CREB3L2: variants seen among roughly 807,000 people sequenced by gnomAD.
CREB3L2 encodes the protein cAMP responsive element binding protein 3 like 2, also known as cyclic AMP-responsive element-binding protein 3-like protein 2.
A neutral mutation model predicts 57.2 loss-of-function variants in CREB3L2; 23 were observed. The observed-to-expected ratio is 0.40, with a 90% CI of 0.29 to 0.57. The LOEUF (loss-of-function observed/expected upper bound fraction) is 0.57. CREB3L2 is among the 20% of genes least tolerant of loss of function. The pLI, the probability that CREB3L2 is intolerant of heterozygous loss-of-function variation, is 0.42. For missense variants in CREB3L2, 628 were observed against 634.7 expected, an observed-to-expected ratio of 0.99 and a Z score of 0.11; for synonymous variants, 268 against 265.1, an observed-to-expected ratio of 1.01 and a Z score of -0.11.
In CREB3L2 at chr7:137,915,896, T is replaced by C. The variant is rs774907274; in HGVS notation, c.436A>G (p.Ile146Val). 6.2e-6 allele frequency: 10 copies of C among 1,614,104 alleles called. No homozygotes were observed. The highest frequency in any genetic ancestry group is 2.7e-5 in the African/African-American group (2 of 74,936). The change falls in exon 3 of 12, where the codon ATC becomes GTC. Residue 146 changes from isoleucine (I) to valine (V), a missense_variant. This residue lies in a region of CREB3L2 where 339 missense variants were observed against 355.4 expected (regional missense o/e 0.95). Transcript: ENST00000330387. The part of the protein sequence containing the change: ...PGLVPSVTLT[I>V]TAISTPLEKE... ...TCCAACGGGGTGGAGATGGCTGTGA[T>C]GGTCAGAGTGACAGACGGAACGAGT... is the stretch of plus-strand genomic sequence containing the variant.
At position 137,955,366 on chromosome 7, in the gene CREB3L2, G is replaced by C. The variant is rs747148596; in HGVS notation, c.103-27000C>G. On this transcript the variant is annotated intron_variant, in intron 1 of 11. Transcript: ENST00000330387. ...GCACCACAGGATGGGGGAGGGCGAA[G>C]ATGGCAGTCTTATGATTAGTTCTTC... The C allele has an allele frequency of 4.9e-6, 6 of 1,227,122 alleles. No homozygotes were observed. The Admixed American group carries it at 1.4e-4, about 28-fold the overall frequency. The allele number at this position is 1,227,122 out of a possible 1,614,324, so 76.0% of individuals were successfully genotyped here. A position where few individuals can be genotyped will look rare whatever the true frequency, so the allele number is the denominator to read the frequency against.
Position 137,922,370 on chromosome 7 carries a change from CTATATATATATATGTATATATATATATA to C in CREB3L2, c.319+5752_319+5779del, listed in dbSNP as rs1164283041. Reference sequence around the variant, plus strand: ...CCTGTATCAGATACTTTCTGGTTTACTATATATATATATGTATATATATATATATATATATATATATATATGTATATAT... The same window carrying C: ...CCTGTATCAGATACTTTCTGGTTTACTATATATATATATATATGTATATAT... On this transcript the variant is annotated intron_variant, in intron 2 of 11. Coordinates refer to ENST00000330387, the MANE Select transcript of CREB3L2 (RefSeq NM_194071.4). 1.1e-3 allele frequency among the ~76,000 whole-genome samples: 112 copies of C among 100,740 alleles called. 3 individuals are homozygous for C. The highest frequency in any genetic ancestry group is 4.1e-3 in the African/African-American group (92 of 22,446). 66.1% of individuals were successfully genotyped at this position (100,740 alleles called of 152,430 possible).
chr7:137,945,527 A>G (rs1800957070), intron 1 of CREB3L2, among the ~76,000 whole-genome samples: 1 of 152,232 alleles, frequency 6.6e-6, no homozygotes, highest in African/African-American at 2.4e-5. Flanking sequence ...CATGTTAACA[A>G]ATAAACAAAC....
intron 1 of CREB3L2, among the ~76,000 whole-genome samples, chr7:137,929,283 A>G (rs73729526): frequency 0.027 from 4,182 of 152,174 alleles, 153 homozygotes; most frequent in African/African-American, 0.082. Flanking sequence ...TCCCTCCTTG[A>G]TAGGTCTATA....
chr7:137,942,359 C>T (rs1188327212), intron 1 of CREB3L2, among the ~76,000 whole-genome samples: 1 of 152,216 alleles, frequency 6.6e-6, no homozygotes, highest in African/African-American at 2.4e-5. Context: ...CTTCTGCCCT[C>T]AGGCGGATCT....
intron 8 of CREB3L2, among the ~76,000 whole-genome samples, chr7:137,897,982 G>A (rs1799663011): frequency 6.6e-6 from 1 of 152,308 alleles, no homozygotes; most frequent in East Asian, 1.9e-4. Flanking sequence ...GCAGCCCACG[G>A]ATTGGGAGAA....
At chr7:137,917,604 C>A (rs1377776870) in intron 2 of CREB3L2, among the ~76,000 whole-genome samples, 1 of 152,140 alleles carries the variant, frequency 6.6e-6, no homozygotes, top group Non-Finnish European at 1.5e-5. Flanking sequence ...AAGGTACAAT[C>A]ATTTAGAACC....
intron 8 of CREB3L2, among the ~76,000 whole-genome samples, chr7:137,900,243 T>C (rs1312806998): frequency 2.0e-5 from 3 of 152,196 alleles, no homozygotes; most frequent in African/African-American, 4.8e-5. Flanking sequence ...TGGGTTCAAA[T>C]GCAGCTTTAG....
chr7:137,971,885 G>T (rs938431555), intron 1 of CREB3L2, among the ~76,000 whole-genome samples: 5 of 151,572 alleles, frequency 3.3e-5, no homozygotes, highest in Admixed American at 6.6e-5. Flanking sequence ...GTGATAGATA[G>T]GCTGCTCTGT....
chr7:137,901,366 T>C lies in CREB3L2; in HGVS notation c.1031A>G (p.Glu344Gly). Residue 344 changes from glutamate (E) to glycine (G), a missense_variant, in exon 8 of 12, where the codon GAG becomes GGG. Transcript: ENST00000330387. ...LELRKKVEVL[E>G]NTNRTLLQQL... Reference sequence around the variant, plus strand: ...CAGTGACACTTACCTATTAGTGTTCTCTAGAACCTCTACCTTCTTCCGAAG... The same window carrying C: ...CAGTGACACTTACCTATTAGTGTTCCCTAGAACCTCTACCTTCTTCCGAAG... 1 of 1,595,314 alleles carries C rather than the reference T, an allele frequency of 6.3e-7. No individual in the cohort carries two copies. The highest frequency in any genetic ancestry group is 1.3e-5 in the African/African-American group (1 of 74,554).
chr7:137,969,994 G>A (rs552252963), intron 1 of CREB3L2, among the ~76,000 whole-genome samples: 1 of 152,082 alleles, frequency 6.6e-6, no homozygotes, highest in Admixed American at 6.6e-5. Context: ...GATGCCCAGG[G>A]TATTTTAATT....
rs1010078485 is a variant in CREB3L2, at chr7:137,877,517, C to T, written c.*2959G>A. 8 of 226,120 alleles carry T rather than the reference C, an allele frequency of 3.5e-5. No homozygotes were observed. The highest frequency in any genetic ancestry group is 6.2e-5 in the Non-Finnish European group (7 of 113,732). The allele number at this position is 226,120 out of a possible 1,614,324, so 14.0% of individuals were successfully genotyped here. ...AAGTCGAGGGCTGTGAAAAGAACCA[C>T]GGTGGGGGGTCTGGGTTACTCAGGT... is the stretch of plus-strand genomic sequence containing the variant. On this transcript the variant is annotated 3_prime_UTR_variant, in exon 12 of 12. Coordinates refer to ENST00000330387, the MANE Select transcript of CREB3L2 (RefSeq NM_194071.4).
intron 2 of CREB3L2, among the ~76,000 whole-genome samples, chr7:137,916,603 A>C (rs1158574270): frequency 6.6e-6 from 1 of 152,116 alleles, no homozygotes; most frequent in Non-Finnish European, 1.5e-5. Context: ...CTGTGGTCCC[A>C]GCTACTTGGG....
At chr7:137,939,756 C>T (rs557156765) in intron 1 of CREB3L2, among the ~76,000 whole-genome samples, 7 of 152,290 alleles carry the variant, frequency 4.6e-5, no homozygotes, top group Admixed American at 2.6e-4. Flanking sequence ...ATCAGGACCA[C>T]CAATTCTTCC....
intron 1 of CREB3L2, among the ~76,000 whole-genome samples, chr7:137,962,844 G>T (rs560711666): frequency 1.3e-5 from 2 of 152,282 alleles, no homozygotes; most frequent in African/African-American, 4.8e-5. Flanking sequence ...GCAGTGCTCT[G>T]TATGTATATA....
At chr7:137,972,710 A>C (rs1225614962) in intron 1 of CREB3L2, among the ~76,000 whole-genome samples, 1 of 32,110 alleles carries the variant, frequency 3.1e-5, no homozygotes, top group Non-Finnish European at 5.1e-5. Flanking sequence ...AAAAAAAAAA[A>C]AAATATATAT....
chr7:137,966,531 T>G (rs1372966429), intron 1 of CREB3L2, among the ~76,000 whole-genome samples: 1 of 152,210 alleles, frequency 6.6e-6, no homozygotes, highest in Non-Finnish European at 1.5e-5. Flanking sequence ...AATAAGTTAA[T>G]CTTTTGGATA....
chr7:137,987,895 A>C (rs939136037), intron 1 of CREB3L2, among the ~76,000 whole-genome samples: 1 of 152,204 alleles, frequency 6.6e-6, no homozygotes, highest in African/African-American at 2.4e-5. Context: ...CAAACTCACA[A>C]GACATTTTCT....
intron 8 of CREB3L2, among the ~76,000 whole-genome samples, chr7:137,890,383 C>G (rs1799507751): frequency 6.6e-6 from 1 of 152,184 alleles, no homozygotes. Flanking sequence ...AAACCTGTCT[C>G]TCTGTGAAAC....
Sources: allele counts gnomAD v4.1 joint callset (sites outside exome capture counted in the v4.1 genomes callset), GRCh38; gene constraint gnomAD v4.1.1; regional missense constraint gnomAD v4.1.1; transcripts MANE v1.5; gene names NCBI Gene and HGNC (gene_info 2026-07-23, HGNC 2026-07-21).